The following GNPTAB variants were observed in gnomAD, a reference collection of about 807,000 sequenced individuals.
The protein encoded by GNPTAB is N-acetylglucosamine-1-phosphate transferase subunits alpha and beta.
GNPTAB carries 92 observed loss-of-function variants against 136.6 expected under a neutral mutation model. That is an observed-to-expected ratio of 0.67 (90% CI 0.57 to 0.80). The LOEUF is 0.80. Ranked by LOEUF, GNPTAB falls within the 30% of genes least tolerant of loss-of-function variation. The pLI is 0.00. For synonymous variants in GNPTAB, 512 were observed against 535.1 expected, an observed-to-expected ratio of 0.96 and a Z score of 0.60; for missense variants, 1,343 against 1,501.8, an observed-to-expected ratio of 0.89 and a Z score of 1.75.
In GNPTAB at chr12:101,753,524, C is replaced by T. The variant is rs1189919752; in HGVS notation, c.3450G>A (p.Leu1150=). The T allele has an allele frequency of 6.2e-7, 1 of 1,613,866 alleles. No individual in the cohort carries two copies. The highest frequency in any genetic ancestry group is 8.5e-7 in the Non-Finnish European group (1 of 1,179,798). ...IRKNPRKFVC[L]NDNIDHNHKD... ...TATGATTGTGGTCAATGTTGTCATT[C>T]AGGCAAACAAACTTCCTGAAATAAC... Residue 1150 remains leucine (L), a synonymous_variant, in exon 19 of 21, where the codon CTG becomes CTA. Coordinates refer to ENST00000299314, the MANE Select transcript of GNPTAB (RefSeq NM_024312.5).
chr12:101,770,278 T>C (rs1953151515), intron 9 of GNPTAB, 87 bp from the exon 10 acceptor site: 2 of 1,455,182 alleles, frequency 1.4e-6, no homozygotes, highest in Non-Finnish European at 1.9e-6. Flanking sequence ...GGGAAGGCAA[T>C]GAAGAGCTAG....
In GNPTAB at chr12:101,786,191, G is replaced by A; in HGVS notation, c.392C>T (p.Thr131Ile). The A allele has an allele frequency of 1.2e-6, 2 of 1,613,656 alleles. No homozygotes were observed. Among genetic ancestry groups the A allele is most frequent in the Non-Finnish European group, 1.7e-6 (2 of 1,179,756 alleles). Residue 131 changes from threonine to isoleucine, a missense_variant, in exon 5 of 21, where the codon ACA becomes ATA. Thr to Ile is a moderately conservative substitution (Grantham distance 89). Transcript: ENST00000299314. Reference protein sequence around the residue: ...KSEKQLECLLTHCIKVPMLVL... With the variant: ...KSEKQLECLLIHCIKVPMLVL... ...AAGCATTGGCACCTTAATGCAGTGT[G>A]TTAGCAAACACTCTAACTGCTTCTC...
intron 7 of GNPTAB, among the ~76,000 whole-genome samples, chr12:101,776,936 G>T (rs1035187997): frequency 6.6e-6 from 1 of 152,232 alleles, no homozygotes; most frequent in Non-Finnish European, 1.5e-5. Flanking sequence ...TTCAAGTCTT[G>T]AAGTCCAATG....
chr12:101,799,137 T>C (rs1566091786), intron 1 of GNPTAB, among the ~76,000 whole-genome samples: 1 of 152,186 alleles, frequency 6.6e-6, no homozygotes, highest in Non-Finnish European at 1.5e-5. Context: ...TATCTTGTAT[T>C]GAAAATGCGC....
chr12:101,819,746 A>G (rs556633632), intron 1 of GNPTAB, among the ~76,000 whole-genome samples: 1 of 152,344 alleles, frequency 6.6e-6, no homozygotes, highest in East Asian at 1.9e-4. Flanking sequence ...CTGCATCTGT[A>G]TCGCAAGATG....
At chr12:101,791,667 A>G (rs1364717968) in intron 2 of GNPTAB, among the ~76,000 whole-genome samples, 1 of 152,182 alleles carries the variant, frequency 6.6e-6, no homozygotes, top group African/African-American at 2.4e-5. Context: ...TTTTTAGGCC[A>G]AGGACCAAAG....
intron 1 of GNPTAB, among the ~76,000 whole-genome samples, chr12:101,811,530 G>A (rs954443773): frequency 4.6e-5 from 7 of 152,052 alleles, no homozygotes; most frequent in African/African-American, 1.4e-4. Flanking sequence ...GCGTTTCTGG[G>A]AGACCTCAGA....
At chr12:101,828,608 T>G (rs1319394678) in intron 1 of GNPTAB, among the ~76,000 whole-genome samples, 1 of 151,874 alleles carries the variant, frequency 6.6e-6, no homozygotes, top group Non-Finnish European at 1.5e-5. Context: ...GAGAATCACG[T>G]GAACCCAGGA....
intron 2 of GNPTAB, chr12:101,796,093 A>T: frequency 1.6e-6 from 1 of 623,802 alleles, no homozygotes; most frequent in Non-Finnish European, 2.9e-6. Flanking sequence ...ATAGGTAAGC[A>T]GCAAGAGTGA....
chr12:101,793,358 AGAG>A (rs1225854092), intron 2 of GNPTAB, among the ~76,000 whole-genome samples: 1 of 152,234 alleles, frequency 6.6e-6, no homozygotes, highest in African/African-American at 2.4e-5. Flanking sequence ...AGGTTAAAGG[AGAG>A]GAGAATTACA....
chr12:101,761,571 G>T lies in GNPTAB; in HGVS notation c.2908C>A (p.Gln970Lys). 1 of 1,613,746 alleles carries T rather than the reference G, an allele frequency of 6.2e-7. No individual in the cohort carries two copies. Among genetic ancestry groups the T allele is most frequent in the South Asian group, 1.1e-5 (1 of 91,082 alleles). ...AACACGAGCAAGACTTACATATCTT[G>T]CAGTTCTTGCATAACAATCCGGTCA... is the stretch of plus-strand genomic sequence containing the variant. Reference protein sequence around the residue: ...MIDRIVMQELQDMFPEEFDKT... With the variant: ...MIDRIVMQELKDMFPEEFDKT... Residue 970 changes from glutamine to lysine, a missense_variant, in exon 14 of 21, where the codon CAA (glutamine) becomes AAA (lysine). Transcript: ENST00000299314.
Position 101,816,982 on chromosome 12 carries a change from G to T in GNPTAB, c.117+13577C>A, listed in dbSNP as rs1025367644. ...CATTCACATTTCTCACTCATATGTG[G>T]GAGCTAAAAAACTGATCTCATGGAG... On this transcript the variant is annotated intron_variant, in intron 1 of 20. Transcript: ENST00000299314. 2.6e-5 allele frequency among the ~76,000 whole-genome samples: 4 copies of T among 152,110 alleles called. No individual in the cohort carries two copies. In the East Asian group the frequency reaches 7.7e-4, roughly 29 times the overall value.
intron 4 of GNPTAB, among the ~76,000 whole-genome samples, chr12:101,788,345 G>A (rs1330508125): frequency 6.6e-6 from 1 of 152,176 alleles, no homozygotes; most frequent in African/African-American, 2.4e-5. Flanking sequence ...TGAAGCTTTG[G>A]TTAGCAAAAT....
intron 1 of GNPTAB, among the ~76,000 whole-genome samples, chr12:101,802,927 A>G (rs1051298296): frequency 6.6e-6 from 1 of 152,204 alleles, no homozygotes; most frequent in Non-Finnish European, 1.5e-5. Flanking sequence ...AGACTCCCGG[A>G]CATAACACCA....
At chr12:101,782,593 A>G (rs1028447774) in intron 5 of GNPTAB, among the ~76,000 whole-genome samples, 3 of 152,068 alleles carry the variant, frequency 2.0e-5, no homozygotes, top group Non-Finnish European at 4.4e-5. Context: ...TCCTCAGTCT[A>G]TTTCCACCAA....
At chr12:101,750,329 G>C (rs946083711) in intron 19 of GNPTAB, among the ~76,000 whole-genome samples, 1 of 152,068 alleles carries the variant, frequency 6.6e-6, no homozygotes, top group Non-Finnish European at 1.5e-5. Flanking sequence ...CATCCAAAAC[G>C]GCACTCGCCC....
chr12:101,788,931 T>C (rs1868827202), intron 3 of GNPTAB, among the ~76,000 whole-genome samples: 1 of 152,226 alleles, frequency 6.6e-6, no homozygotes, highest in Non-Finnish European at 1.5e-5. Context: ...CCGCTGTAAC[T>C]TTCCCAGATA....
intron 1 of GNPTAB, among the ~76,000 whole-genome samples, chr12:101,824,432 A>ATATATATATATATATATATATATTTATC (rs1188582277): frequency 2.0e-5 from 1 of 50,886 alleles, no homozygotes; most frequent in African/African-American, 8.5e-5. Flanking sequence ...ATATATATAT[A>ATATATATATATATATATATATATTTATC]TTTTCTTTTT....
intron 13 of GNPTAB, among the ~76,000 whole-genome samples, chr12:101,762,645 C>T (rs989452323): frequency 1.3e-5 from 2 of 152,156 alleles, no homozygotes; most frequent in Non-Finnish European, 2.9e-5. Flanking sequence ...CATTTGCCCA[C>T]ATCCTACTAC....
Sources: gnomAD v4.1 joint callset for allele counts (sites outside exome capture counted in the v4.1 genomes callset) on GRCh38, gnomAD v4.1.1 for gene constraint, MANE v1.5 for transcripts, NCBI Gene and HGNC (gene_info 2026-07-23, HGNC 2026-07-21) for gene names.